Variants in PDE4B observed in about 807,000 individuals in gnomAD.
The protein encoded by PDE4B is 3',5'-cyclic-AMP phosphodiesterase 4B.
Under a neutral mutation model 82.2 loss-of-function variants are expected in PDE4B, and 20 were observed. That is an observed-to-expected ratio of 0.24 (90% confidence interval 0.17 to 0.35). The LOEUF is 0.35. PDE4B is among the 10% of genes least tolerant of loss of function. The probability of loss-of-function intolerance (pLI) is 1.00; values close to 1 mark genes in which losing one functional copy is unlikely to be tolerated. For synonymous variants in PDE4B, 320 were observed against 318.9 expected (o/e 1.00, Z -0.04); for missense variants, 655 against 907.2 (o/e 0.72, Z 3.57).
intron 3 of PDE4B, among the ~76,000 whole-genome samples, chr1:65,960,600 T>C (rs1232542500): frequency 6.6e-6 from 1 of 152,132 alleles, no homozygotes; most frequent in Non-Finnish European, 1.5e-5. Context: ...AAGATAAGAC[T>C]AATACCAATT....
rs1659239793 is a variant in PDE4B, at chr1:66,319,308, A to G, written c.635-13200A>G. Among the ~76,000 whole-genome samples the G allele has an allele frequency of 2.0e-5, 3 of 152,072 alleles. No individual in the cohort carries two copies. In the South Asian group the frequency reaches 6.2e-4, roughly 32 times the overall value. The stretch of plus-strand genomic sequence containing the variant: ...CTCAACAGCAAACACATTTGCTTCT[A>G]CTCTTCACTGACTCTTGAAATTCCT... On this transcript the variant is annotated intron_variant, in intron 7 of 16. Coordinates refer to ENST00000341517, the MANE Select transcript of PDE4B (RefSeq NM_002600.4).
chr1:66,287,652 T>C (rs1387898845), intron 7 of PDE4B, among the ~76,000 whole-genome samples: 1 of 152,160 alleles, frequency 6.6e-6, no homozygotes, highest in Non-Finnish European at 1.5e-5. Context: ...TCTTTGCCTC[T>C]GTTTCCCACA....
At chr1:66,274,824 C>T (rs1655760709) in intron 7 of PDE4B, among the ~76,000 whole-genome samples, 1 of 152,122 alleles carries the variant, frequency 6.6e-6, no homozygotes, top group Admixed American at 6.5e-5. Flanking sequence ...AGCTAAGATC[C>T]CAGCCTTCTG....
chr1:66,219,661 C>T (rs946243579), intron 3 of PDE4B, among the ~76,000 whole-genome samples: 1 of 152,122 alleles, frequency 6.6e-6, no homozygotes, highest in Admixed American at 6.5e-5. Context: ...TGTCACTTCA[C>T]CTGGCCAACA....
intron 3 of PDE4B, among the ~76,000 whole-genome samples, chr1:66,081,062 A>T (rs1656696285): frequency 6.6e-6 from 1 of 152,012 alleles, no homozygotes; most frequent in Non-Finnish European, 1.5e-5. Flanking sequence ...CTTCTAAAAC[A>T]TTCTTCCATT....
intron 9 of PDE4B, among the ~76,000 whole-genome samples, chr1:66,358,057 C>T (rs779178610): frequency 5.3e-5 from 8 of 152,180 alleles, no homozygotes; most frequent in African/African-American, 1.7e-4. Context: ...GACCATAAAG[C>T]CTTCTTCATA....
intron 1 of PDE4B, among the ~76,000 whole-genome samples, chr1:65,874,561 G>T (rs1646615893): frequency 6.6e-6 from 1 of 152,124 alleles, no homozygotes; most frequent in Non-Finnish European, 1.5e-5. Flanking sequence ...CAAGGCTACA[G>T]TAACCAAAAC....
At chr1:66,050,098 T>C (rs924182134) in intron 3 of PDE4B, among the ~76,000 whole-genome samples, 1 of 152,080 alleles carries the variant, frequency 6.6e-6, no homozygotes, top group Admixed American at 6.6e-5. Context: ...TGGAGACAGA[T>C]TATATCCTCA....
chr1:66,300,142 A>G (rs777959776), intron 7 of PDE4B, among the ~76,000 whole-genome samples: 3 of 152,172 alleles, frequency 2.0e-5, no homozygotes, highest in Non-Finnish European at 4.4e-5. Flanking sequence ...TTATTCTCAG[A>G]GTTGACAGAC....
In PDE4B at chr1:65,968,757, G is replaced by A. The variant is rs534966128; in HGVS notation, c.281+49922G>A. 2.6e-5 allele frequency among the ~76,000 whole-genome samples: 4 copies of A among 152,234 alleles called. No homozygotes were observed. In the East Asian group the frequency reaches 7.7e-4, roughly 29 times the overall value. On this transcript the variant is annotated intron_variant, in intron 3 of 16. Transcript: ENST00000341517. ...TAAATCCATTTTAAAAATGCAGTTA[G>A]TAACTTATGTTTTATTAACTCTCGT...
chr1:65,996,647 CA>C (rs1312768309), intron 3 of PDE4B, among the ~76,000 whole-genome samples: 2 of 152,124 alleles, frequency 1.3e-5, no homozygotes, highest in Non-Finnish European at 2.9e-5. Context: ...CTGCAGATAT[CA>C]AAAGTATTTT....
At chr1:65,842,490 T>C (rs1646218911) in intron 1 of PDE4B, among the ~76,000 whole-genome samples, 1 of 152,110 alleles carries the variant, frequency 6.6e-6, no homozygotes, top group Non-Finnish European at 1.5e-5. Flanking sequence ...TAGCTGCAAA[T>C]TGCCATGCTG....
chr1:66,125,840 C>T (rs1315354237), intron 3 of PDE4B, among the ~76,000 whole-genome samples: 1 of 152,132 alleles, frequency 6.6e-6, no homozygotes, highest in Non-Finnish European at 1.5e-5. Flanking sequence ...GAGTTTCGCT[C>T]TTGTTGCCCA....
chr1:65,795,912 C>A (rs536432290), intron 1 of PDE4B, among the ~76,000 whole-genome samples: 1 of 152,296 alleles, frequency 6.6e-6, no homozygotes, highest in East Asian at 1.9e-4. Flanking sequence ...ATTCATTTTG[C>A]CAGTTTTAAT....
rs1347558164 is a variant in PDE4B, at chr1:66,373,947, T to C, written c.*1269T>C. 1 of 152,664 alleles carries C rather than the reference T, an allele frequency of 6.6e-6. No individual in the cohort carries two copies. The highest frequency in any genetic ancestry group is 1.5e-5 in the Non-Finnish European group (1 of 68,046). The allele number at this position is 152,664 out of a possible 1,614,324, so 9.5% of individuals were successfully genotyped here. Reference sequence around the variant, plus strand: ...CAGTTTTGGAAACAATATTCTCACATTAGATACTAAATGGTTTATACTGAG... The same window carrying C: ...CAGTTTTGGAAACAATATTCTCACACTAGATACTAAATGGTTTATACTGAG... On this transcript the variant is annotated 3_prime_UTR_variant, in exon 17 of 17. Coordinates refer to ENST00000341517, the MANE Select transcript of PDE4B (RefSeq NM_002600.4).
intron 3 of PDE4B, among the ~76,000 whole-genome samples, chr1:66,245,353 C>A (rs1290988995): frequency 6.6e-6 from 1 of 152,102 alleles, no homozygotes; most frequent in African/African-American, 2.4e-5. Context: ...AAACTCATGC[C>A]CACCATTAAG....
intron 3 of PDE4B, among the ~76,000 whole-genome samples, chr1:66,051,632 T>A (rs1655033778): frequency 1.3e-5 from 2 of 152,104 alleles, no homozygotes; most frequent in South Asian, 4.1e-4. Flanking sequence ...GTTTACAAAG[T>A]GAATGAATAG....
chr1:65,887,833 T>A (rs1646808529), intron 1 of PDE4B, among the ~76,000 whole-genome samples: 1 of 152,254 alleles, frequency 6.6e-6, no homozygotes, highest in African/African-American at 2.4e-5. Flanking sequence ...GAGTTCCTTC[T>A]ATATCTGGAT....
intron 8 of PDE4B, among the ~76,000 whole-genome samples, chr1:66,341,917 A>T (rs1404920442): frequency 6.6e-6 from 1 of 152,238 alleles, no homozygotes; most frequent in Non-Finnish European, 1.5e-5. Flanking sequence ...CTTGAGTCAT[A>T]TTACCAAGAT....
Sources: allele counts gnomAD v4.1 joint callset (sites outside exome capture counted in the v4.1 genomes callset), GRCh38; gene constraint gnomAD v4.1.1; transcripts MANE v1.5; gene names NCBI Gene and HGNC (gene_info 2026-07-23, HGNC 2026-07-21).